The following AFF2 variants were observed in gnomAD, a reference collection of about 807,000 sequenced individuals.
The protein encoded by AFF2 is AF4/FMR2 family member 2.
A neutral mutation model predicts 76.9 loss-of-function variants in AFF2; 14 were observed. The ratio of observed to expected loss-of-function variants is 0.18; its 90% CI spans 0.12 to 0.28. The LOEUF (loss-of-function observed/expected upper bound fraction) is 0.28, where lower values mean the gene tolerates loss of function less well. Among genes scored for constraint, AFF2 ranks in the 10% least tolerant of loss-of-function variants. AFF2 has a pLI of 1.00. For synonymous variants in AFF2, 398 were observed against 366.7 expected, an observed-to-expected ratio of 1.09 and a Z score of -0.98; for missense variants, 868 against 1,001.1, an observed-to-expected ratio of 0.87 and a Z score of 1.79.
intron 9 of AFF2, among the ~76,000 whole-genome samples, chrX:148,917,631 A>T (rs1165717205): frequency 8.9e-6 from 1 of 111,984 alleles, no homozygotes; most frequent in Non-Finnish European, 1.9e-5. Flanking sequence ...AGCTTTTCCC[A>T]TTGGCCAGTA....
rs367567004 is a variant in AFF2, at chrX:148,641,852, A to T, written c.48-10147A>T. Among the ~76,000 whole-genome samples, 39 of 111,757 alleles carry T rather than the reference A, an allele frequency of 3.5e-4. No homozygotes were observed. In the East Asian group the frequency reaches 7.3e-3, roughly 21 times the overall value. Reference sequence around the variant, plus strand: ...TTTCACATCTTCTCCTCTTATAAGGATGCCAGTCTTATAGGATTAGGGGCC... The same window carrying T: ...TTTCACATCTTCTCCTCTTATAAGGTTGCCAGTCTTATAGGATTAGGGGCC... On this transcript the variant is annotated intron_variant, in intron 1 of 20. Coordinates refer to ENST00000370460, the MANE Select transcript of AFF2 (RefSeq NM_002025.4).
At chrX:148,582,076 CTTA>C (rs782687728) in intron 1 of AFF2, among the ~76,000 whole-genome samples, 1 of 111,248 alleles carries the variant, frequency 9.0e-6, no homozygotes, top group Non-Finnish European at 1.9e-5. Flanking sequence ...TTGGGTTTGT[CTTA>C]TTAGTTTTGT....
intron 1 of AFF2, among the ~76,000 whole-genome samples, chrX:148,614,584 C>T (rs907188381): frequency 9.2e-6 from 1 of 108,586 alleles, no homozygotes. Context: ...TTCCCTCCCT[C>T]TTTCCCTCCC....
chrX:148,922,462 T>C (rs782668496), intron 9 of AFF2, among the ~76,000 whole-genome samples: 1 of 112,276 alleles, frequency 8.9e-6, no homozygotes, highest in Non-Finnish European at 1.9e-5. Flanking sequence ...CTCAAAAACA[T>C]GAAGCTCTTG....
intron 1 of AFF2, among the ~76,000 whole-genome samples, chrX:148,641,996 A>G (rs1450183757): frequency 8.9e-6 from 1 of 112,357 alleles, no homozygotes; most frequent in African/African-American, 3.2e-5. Flanking sequence ...TTGTGGGTTG[A>G]TGCAATTTAA....
At chrX:148,966,648 A>G (rs1307997377) in intron 13 of AFF2, 142 bp from the exon 14 acceptor site, 15 of 1,084,598 alleles carry the variant, frequency 1.4e-5, no homozygotes, top group East Asian at 3.1e-5. Flanking sequence ...TCACCTATTT[A>G]TCCTCAAGCT....
intron 3 of AFF2, among the ~76,000 whole-genome samples, chrX:148,685,649 T>G (rs943245095): frequency 1.1e-4 from 12 of 111,432 alleles, no homozygotes; most frequent in Non-Finnish European, 1.5e-4. Flanking sequence ...GAAATACTAT[T>G]GTAGATAGGA....
Position 148,541,659 on chromosome X carries a change from A to C in AFF2, c.47+40515A>C, listed in dbSNP as rs188023330. 4.5e-4 allele frequency among the ~76,000 whole-genome samples: 50 copies of C among 111,169 alleles called. No individual in the cohort carries two copies. The East Asian group carries it at 0.011, about 25-fold the overall frequency. ...GATGGGGGTGGATAGCATAGTTGAAATTTTAATCAGTTCAGTGTATCATAT... is the reference window on the plus strand; with the variant it reads ...GATGGGGGTGGATAGCATAGTTGAACTTTTAATCAGTTCAGTGTATCATAT... On this transcript the variant is annotated intron_variant, in intron 1 of 20. Transcript: ENST00000370460.
At chrX:148,722,087 G>A (rs1239594036) in intron 3 of AFF2, among the ~76,000 whole-genome samples, 2 of 111,583 alleles carry the variant, frequency 1.8e-5, no homozygotes, top group Non-Finnish European at 3.8e-5. Context: ...TGGGAACGCA[G>A]TTCAACTCAT....
At chrX:148,773,674 G>GAAGA (rs1411049069) in intron 3 of AFF2, among the ~76,000 whole-genome samples, 436 of 76,094 alleles carry the variant, frequency 5.7e-3, no homozygotes, top group Middle Eastern at 0.012. Context: ...AGGAAAGAAG[G>GAAGA]AAGGAAGGAA....
At chrX:148,729,191 G>C (rs1328792527) in intron 3 of AFF2, among the ~76,000 whole-genome samples, 1 of 112,170 alleles carries the variant, frequency 8.9e-6, no homozygotes, top group Non-Finnish European at 1.9e-5. Context: ...AATTATGCAC[G>C]TGTGAAATAG....
intron 1 of AFF2, among the ~76,000 whole-genome samples, chrX:148,626,070 A>C (rs1299049395): frequency 1.8e-5 from 2 of 112,239 alleles, no homozygotes; most frequent in East Asian, 5.6e-4. Context: ...TTCTAAGGAA[A>C]TGCTCCTTTG....
chrX:148,503,446 A>G (rs1557232123), intron 1 of AFF2, among the ~76,000 whole-genome samples: 2 of 111,521 alleles, frequency 1.8e-5, no homozygotes, highest in Non-Finnish European at 1.9e-5. Context: ...AGCCCCCAGG[A>G]GGGCCAAGAA....
chrX:148,725,583 T>C (rs1484507304), intron 3 of AFF2, among the ~76,000 whole-genome samples: 2 of 111,736 alleles, frequency 1.8e-5, no homozygotes, highest in Admixed American at 1.9e-4. Context: ...ACACTTTTAC[T>C]TCTCTGACAT....
intron 1 of AFF2, among the ~76,000 whole-genome samples, chrX:148,554,031 G>T (rs1205810176): frequency 9.8e-5 from 11 of 111,776 alleles, no homozygotes; most frequent in South Asian, 7.4e-4. Context: ...TAGAGTGTGG[G>T]TTAACTGTCA....
chrX:148,557,102 A>C (rs1432544559), intron 1 of AFF2, among the ~76,000 whole-genome samples: 3 of 112,083 alleles, frequency 2.7e-5, no homozygotes, highest in Non-Finnish European at 5.6e-5. Context: ...ATGGTTCATA[A>C]CTGTAGCTGA....
intron 7 of AFF2, among the ~76,000 whole-genome samples, chrX:148,869,955 C>T (rs1388984837): frequency 6.3e-5 from 7 of 111,487 alleles, no homozygotes; most frequent in Non-Finnish European, 1.1e-4. Context: ...GACCTCAAGA[C>T]CTTATCTCCA....
chrX:148,918,468 C>T (rs1370529124), intron 9 of AFF2, among the ~76,000 whole-genome samples: 1 of 111,806 alleles, frequency 8.9e-6, no homozygotes, highest in Non-Finnish European at 1.9e-5. Context: ...GTGAAGATCT[C>T]ATGTTACCTT....
At chrX:148,964,949 C>T (rs1450022794) in intron 13 of AFF2, among the ~76,000 whole-genome samples, 4 of 112,833 alleles carry the variant, frequency 3.5e-5, no homozygotes, top group African/African-American at 1.3e-4. Context: ...AAAGCGGGGA[C>T]ATGTTCAGTT....
Sources: gnomAD v4.1 joint callset for allele counts (sites outside exome capture counted in the v4.1 genomes callset) on GRCh38, gnomAD v4.1.1 for gene constraint, MANE v1.5 for transcripts, NCBI Gene and HGNC (gene_info 2026-07-23, HGNC 2026-07-21) for gene names.